PCCA: variants seen among roughly 807,000 people sequenced by gnomAD.
PCCA encodes the protein propionyl-CoA carboxylase subunit alpha, also known as propionyl-CoA carboxylase alpha chain, mitochondrial.
In PCCA, 74 loss-of-function variants were observed where a neutral mutation model predicts 101.3. The ratio of observed to expected loss-of-function variants is 0.73; its 90% CI spans 0.61 to 0.89. The LOEUF (loss-of-function observed/expected upper bound fraction) is 0.89, where lower values mean the gene tolerates loss of function less well. Ranked by LOEUF, PCCA falls within the 40% of genes least tolerant of loss-of-function variation. The pLI, the probability that PCCA is intolerant of heterozygous loss-of-function variation, is 0.00. For synonymous variants in PCCA, 294 were observed against 313.6 expected, an observed-to-expected ratio of 0.94 and a Z score of 0.66; for missense variants, 891 against 907.0, an observed-to-expected ratio of 0.98 and a Z score of 0.23.
At chr13:100,192,811 C>G (rs2057826546) in intron 6 of PCCA, among the ~76,000 whole-genome samples, 1 of 152,186 alleles carries the variant, frequency 6.6e-6, no homozygotes, top group Non-Finnish European at 1.5e-5. Context: ...CCCTCAAATG[C>G]TCCTTCCTTT....
chr13:100,260,878 G>T (rs1455672632), intron 9 of PCCA, among the ~76,000 whole-genome samples: 1 of 147,660 alleles, frequency 6.8e-6, no homozygotes, highest in African/African-American at 2.5e-5. Context: ...CTTTTGAGAT[G>T]AAAAACCATC....
At chr13:100,244,385 C>T (rs757916364) in intron 8 of PCCA, among the ~76,000 whole-genome samples, 3 of 152,066 alleles carry the variant, frequency 2.0e-5, no homozygotes, top group Admixed American at 6.5e-5. Flanking sequence ...CCAACATGCA[C>T]ATTTGGGTTT....
chr13:100,517,523 G>A (rs2086925916), intron 22 of PCCA, among the ~76,000 whole-genome samples: 1 of 152,150 alleles, frequency 6.6e-6, no homozygotes, highest in Admixed American at 6.5e-5. Context: ...AATGGTTTGA[G>A]AACTGTTAAA....
At chr13:100,517,273 G>A (rs1255212992) in intron 22 of PCCA, among the ~76,000 whole-genome samples, 2 of 152,164 alleles carry the variant, frequency 1.3e-5, no homozygotes, top group African/African-American at 2.4e-5. Flanking sequence ...TAAACGGGGC[G>A]CTCCCAAGGC....
At chr13:100,406,764 A>G (rs2077707114) in intron 19 of PCCA, among the ~76,000 whole-genome samples, 1 of 152,230 alleles carries the variant, frequency 6.6e-6, no homozygotes, top group Non-Finnish European at 1.5e-5. Context: ...CTGAAAAACT[A>G]AACAAGGATC....
rs142612524 is a variant in PCCA, at chr13:100,118,654, T to C, written c.300+6593T>C. Among the ~76,000 whole-genome samples, 1,121 of 152,134 alleles carry C rather than the reference T, an allele frequency of 7.4e-3. 16 individuals are homozygous for C. Among genetic ancestry groups the C allele is most frequent in the African/African-American group, 0.026 (1,070 of 41,484 alleles). On this transcript the variant is annotated intron_variant, in intron 4 of 23. Coordinates refer to ENST00000376285, the MANE Select transcript of PCCA (RefSeq NM_000282.4). ...AGCCTGACTTCCTGGGCACAAGCGA[T>C]CCTCCCACCTTAGTTTCCCAAGTAG...
chr13:100,341,945 G>C (rs1181587702), intron 18 of PCCA, among the ~76,000 whole-genome samples: 2 of 72,082 alleles, frequency 2.8e-5, no homozygotes, highest in Non-Finnish European at 5.8e-5. Context: ...TGTTTTGGTA[G>C]AACCCTTCAA....
chr13:100,208,528 T>G (rs2059012394), intron 6 of PCCA, among the ~76,000 whole-genome samples: 1 of 152,248 alleles, frequency 6.6e-6, no homozygotes, highest in Non-Finnish European at 1.5e-5. Context: ...ATGTAATGAC[T>G]TCATCCTTTA....
At chr13:100,296,654 A>G (rs1191715105) in intron 12 of PCCA, among the ~76,000 whole-genome samples, 3 of 152,178 alleles carry the variant, frequency 2.0e-5, no homozygotes, top group African/African-American at 7.2e-5. Flanking sequence ...TATTTACCAC[A>G]TTTACTTTAT....
At position 100,227,788 on chromosome 13, in the gene PCCA, T is replaced by C. The variant is rs138983020; in HGVS notation, c.601-8054T>C. On this transcript the variant is annotated intron_variant, in intron 7 of 23. Coordinates refer to ENST00000376285, the MANE Select transcript of PCCA (RefSeq NM_000282.4). Reference sequence around the variant, plus strand: ...AGAAGAATAGAATAAAATGATATCATTGGACTCTTTTTTCCCTACCTCCTG... The same window carrying C: ...AGAAGAATAGAATAAAATGATATCACTGGACTCTTTTTTCCCTACCTCCTG... Among the ~76,000 whole-genome samples, 227 of 152,282 alleles carry C rather than the reference T, an allele frequency of 1.5e-3. 1 individual carries two copies. The highest frequency in any genetic ancestry group is 5.3e-3 in the African/African-American group (220 of 41,560).
chr13:100,458,417 CTG>C (rs2081928955), intron 21 of PCCA, among the ~76,000 whole-genome samples: 1 of 133,044 alleles, frequency 7.5e-6, no homozygotes, highest in Admixed American at 7.3e-5. Flanking sequence ...GACCCCATCT[CTG>C]CGCGCACACA....
chr13:100,169,730 C>T (rs1339344747), intron 6 of PCCA, among the ~76,000 whole-genome samples: 12 of 134,438 alleles, frequency 8.9e-5, no homozygotes, highest in Non-Finnish European at 1.7e-4. Context: ...GATGGAGTTT[C>T]GCTCTTGTTG....
At chr13:100,200,657 C>A in intron 6 of PCCA, among the ~76,000 whole-genome samples, 1 of 149,922 alleles carries the variant, frequency 6.7e-6, no homozygotes, top group Admixed American at 6.7e-5. Context: ...AAAATATATA[C>A]CATATGGCAA....
intron 17 of PCCA, among the ~76,000 whole-genome samples, chr13:100,331,447 CTCACAT>C (rs1157349292): frequency 6.6e-6 from 1 of 152,090 alleles, no homozygotes; most frequent in Admixed American, 6.5e-5. Flanking sequence ...TGTAAAATGA[CTCACAT>C]TCATATTAGG....
At chr13:100,299,961 G>A (rs759111447) in intron 12 of PCCA, among the ~76,000 whole-genome samples, 8 of 152,200 alleles carry the variant, frequency 5.3e-5, no homozygotes, top group Non-Finnish European at 1.0e-4. Context: ...TGATTTGCCC[G>A]TCTTGGCCTC....
Position 100,301,441 on chromosome 13 carries a change from G to C in PCCA, c.1066-19G>C. On this transcript the variant is annotated intron_variant, in intron 12 of 23. Coordinates refer to ENST00000376285, the MANE Select transcript of PCCA (RefSeq NM_000282.4). ...TACCCTTTTCTACACCTACTGACTG[G>C]CAGACCTTGGCCTTGCAGGTTGAGC... 6.2e-7 allele frequency: 1 copy of C among 1,613,592 alleles called. No individual in the cohort carries two copies. The highest frequency in any genetic ancestry group is 8.5e-7 in the Non-Finnish European group (1 of 1,179,616).
chr13:100,091,239 TGGAGAGGCTGAGA>T (rs1344013844), intron 1 of PCCA, among the ~76,000 whole-genome samples: 2 of 152,208 alleles, frequency 1.3e-5, no homozygotes, highest in Non-Finnish European at 2.9e-5. Flanking sequence ...CATTTTAGAT[TGGAGAGGCTGAGA>T]GGAAGGCTGT....
rs188977560 is a variant in PCCA, at chr13:100,442,554, T to C, written c.1846-6698T>C. Among the ~76,000 whole-genome samples, 4 of 152,326 alleles carry C rather than the reference T, an allele frequency of 2.6e-5. No homozygotes were observed. The South Asian group carries it at 6.2e-4, about 24-fold the overall frequency. Reference sequence around the variant, plus strand: ...TTTGTAGTGTCAGCCAAAGGAATGATAATATTGTTTTAGTGTCTCCTACAT... The same window carrying C: ...TTTGTAGTGTCAGCCAAAGGAATGACAATATTGTTTTAGTGTCTCCTACAT... On this transcript the variant is annotated intron_variant, in intron 20 of 23. Coordinates refer to ENST00000376285, the MANE Select transcript of PCCA (RefSeq NM_000282.4).
intron 6 of PCCA, among the ~76,000 whole-genome samples, chr13:100,176,245 TGTTTGGGAAAATCCAG>T (rs1321636512): frequency 4.6e-5 from 7 of 152,114 alleles, no homozygotes; most frequent in African/African-American, 1.7e-4. Flanking sequence ...GAAATTGTGG[TGTTTGGGAAAATCCAG>T]AAATTTTCTT....
Sources: gnomAD v4.1 joint callset for allele counts (sites outside exome capture counted in the v4.1 genomes callset) on GRCh38, gnomAD v4.1.1 for gene constraint, MANE v1.5 for transcripts, NCBI Gene and HGNC (gene_info 2026-07-23, HGNC 2026-07-21) for gene names.